The following TMEM144 variants were observed in gnomAD, a reference collection of about 807,000 sequenced individuals.
The protein encoded by TMEM144 is transmembrane protein 144.
TMEM144 carries 39 observed loss-of-function variants against 43.6 expected under a neutral mutation model. The observed-to-expected ratio is 0.90, with a 90% confidence interval of 0.69 to 1.17. TMEM144 has a LOEUF of 1.17. TMEM144 is among the 50% of genes most tolerant of loss of function. The probability of loss-of-function intolerance (pLI) is 0.00; values close to 1 mark genes in which losing one functional copy is unlikely to be tolerated. For missense variants in TMEM144, 417 were observed against 411.9 expected, an observed-to-expected ratio of 1.01 and a Z score of -0.11; for synonymous variants, 154 against 133.6, an observed-to-expected ratio of 1.15 and a Z score of -1.06.
intron 6 of TMEM144, among the ~76,000 whole-genome samples, chr4:158,230,330 G>C (rs1324532860): frequency 2.6e-5 from 4 of 152,154 alleles, no homozygotes; most frequent in Non-Finnish European, 4.4e-5. Flanking sequence ...TCTGATGAGA[G>C]AATCTGGATA....
At chr4:158,253,259 C>T (rs542154951) in intron 12 of TMEM144, among the ~76,000 whole-genome samples, 185 bp from the exon 13 acceptor site, 4 of 152,294 alleles carry the variant, frequency 2.6e-5, no homozygotes, top group South Asian at 2.1e-4. Flanking sequence ...CATTTATTTA[C>T]GGAATGGGTG....
intron 2 of TMEM144, chr4:158,211,847 CAT>C (rs1474403151): frequency 6.6e-6 from 1 of 152,136 alleles, no homozygotes; most frequent in African/African-American, 2.4e-5. Context: ...TGGTAAATAA[CAT>C]ATTTTGTAGG....
chr4:158,233,081 C>G, intron 7 of TMEM144, 99 bp downstream of exon 7: 2 of 853,430 alleles, frequency 2.3e-6, no homozygotes, highest in Non-Finnish European at 3.7e-6. Flanking sequence ...GGTGTTTGCT[C>G]ATCACTCCTG....
chr4:158,226,891 C>CTTTTCT (rs950269562), intron 6 of TMEM144, among the ~76,000 whole-genome samples: 1 of 151,188 alleles, frequency 6.6e-6, no homozygotes, highest in Admixed American at 6.6e-5. Context: ...CCCTTTTTTT[C>CTTTTCT]TTTTCTTTTT....
At chr4:158,238,554 A>T (rs993639959) in intron 9 of TMEM144, among the ~76,000 whole-genome samples, 1 of 152,232 alleles carries the variant, frequency 6.6e-6, no homozygotes, top group African/African-American at 2.4e-5. Flanking sequence ...GAAATTAATA[A>T]AAATAGAATA....
At chr4:158,224,260 G>C (rs1734642462) in intron 6 of TMEM144, among the ~76,000 whole-genome samples, 1 of 152,006 alleles carries the variant, frequency 6.6e-6, no homozygotes, top group Non-Finnish European at 1.5e-5. Flanking sequence ...GGAGTTGTTT[G>C]TTTTCCTCTT....
Position 158,244,161 on chromosome 4 carries a change from G to A in TMEM144, c.901-135G>A, listed in dbSNP as rs572803995. The A allele has an allele frequency of 4.5e-5, 20 of 449,282 alleles. No homozygotes were observed. The South Asian group carries it at 1.3e-3, about 29-fold the overall frequency. The allele number at this position is 449,282 out of a possible 1,614,324, so 27.8% of individuals were successfully genotyped here. Reference sequence around the variant, plus strand: ...TTAATATCACCTAAAGTTTAGCTTAGTGTGGAGTTAGGGTTGATATTATGG... The same window carrying A: ...TTAATATCACCTAAAGTTTAGCTTAATGTGGAGTTAGGGTTGATATTATGG... On this transcript the variant is annotated intron_variant, in intron 11 of 12. Transcript: ENST00000296529.
At chr4:158,213,454 A>C (rs1460444791) in intron 3 of TMEM144, 1 of 152,280 alleles carries the variant, frequency 6.6e-6, no homozygotes, top group African/African-American at 2.4e-5. Context: ...TTAACCAGTT[A>C]ACCAGTTAAA....
At chr4:158,217,046 G>A (rs1393882979) in intron 4 of TMEM144, among the ~76,000 whole-genome samples, 1 of 152,134 alleles carries the variant, frequency 6.6e-6, no homozygotes, top group Non-Finnish European at 1.5e-5. Context: ...TCACAGAATA[G>A]AGAGCTATGC....
Position 158,253,441 on chromosome 4 carries a change from C to T in TMEM144, c.955-3C>T, listed in dbSNP as rs1321785431. On this transcript the variant is annotated splice_polypyrimidine_tract_variant and splice_region_variant and intron_variant, in intron 12 of 12. Coordinates refer to ENST00000296529, the MANE Select transcript of TMEM144 (RefSeq NM_018342.5). ...ATCACTGTTATTCTTTTTTCTTATT[C>T]AGGGTCTACAAAACTACCTATTAAT... 1.6e-5 allele frequency: 26 copies of T among 1,608,404 alleles called. No individual in the cohort carries two copies. Among genetic ancestry groups the T allele is most frequent in the Non-Finnish European group, 2.2e-5 (26 of 1,176,634 alleles).
chr4:158,244,217 T>G (rs948163233), intron 11 of TMEM144, 79 bp from the exon 12 acceptor site: 1 of 1,071,690 alleles, frequency 9.3e-7, no homozygotes, highest in Admixed American at 2.3e-5. Flanking sequence ...GTTTATACTG[T>G]CTCTAACTTA....
At chr4:158,239,862 T>C (rs1177163167) in intron 9 of TMEM144, among the ~76,000 whole-genome samples, 2 of 151,776 alleles carry the variant, frequency 1.3e-5, no homozygotes, top group South Asian at 2.1e-4. Context: ...TGTAGAAAAC[T>C]AGGATGATTA....
In TMEM144 at chr4:158,254,243, C is replaced by T. The variant is rs1386916662; in HGVS notation, c.*716C>T. 6.6e-6 allele frequency: 1 copy of T among 152,066 alleles called. No homozygotes were observed. Among genetic ancestry groups the T allele is most frequent in the East Asian group, 1.9e-4 (1 of 5,186 alleles). The allele number at this position is 152,066 out of a possible 1,614,324, so 9.4% of individuals were successfully genotyped here. A position where few individuals can be genotyped will look rare whatever the true frequency, so the allele number is the denominator to read the frequency against. ...ACAAGTATATTCACGTACATAAATA[C>T]ACACAGATATGTTGCTAAAGTGAGA... On this transcript the variant is annotated 3_prime_UTR_variant, in exon 13 of 13. Transcript: ENST00000296529.
chr4:158,218,726 CT>C (rs1734359734), intron 5 of TMEM144, among the ~76,000 whole-genome samples: 1 of 152,116 alleles, frequency 6.6e-6, no homozygotes, highest in South Asian at 2.1e-4. Flanking sequence ...CTTTTTCCTA[CT>C]TCTTTTTTAG....
chr4:158,219,243 T>A, intron 5 of TMEM144, 67 bp from the exon 6 acceptor site: 1 of 1,518,616 alleles, frequency 6.6e-7, no homozygotes. Context: ...CCCTAGTCCA[T>A]GCCCTTAAAC....
chr4:158,230,815 C>T (rs1371851094), intron 6 of TMEM144, among the ~76,000 whole-genome samples: 2 of 152,028 alleles, frequency 1.3e-5, no homozygotes, highest in Non-Finnish European at 2.9e-5. Flanking sequence ...TCATAAGGGT[C>T]ATGGCTGACA....
intron 6 of TMEM144, among the ~76,000 whole-genome samples, chr4:158,230,549 C>T (rs1735025309): frequency 6.6e-6 from 1 of 151,738 alleles, no homozygotes; most frequent in African/African-American, 2.4e-5. Flanking sequence ...ATTTTGAGAA[C>T]AAAATGCCAA....
At chr4:158,245,284 T>A (rs1365133115) in intron 12 of TMEM144, among the ~76,000 whole-genome samples, 4 of 148,808 alleles carry the variant, frequency 2.7e-5, no homozygotes, top group Non-Finnish European at 5.9e-5. Flanking sequence ...TCTTTAAAAA[T>A]CACTTTGCCG....
At chr4:158,250,093 A>G (rs1736118962) in intron 12 of TMEM144, among the ~76,000 whole-genome samples, 1 of 151,762 alleles carries the variant, frequency 6.6e-6, no homozygotes. Flanking sequence ...CATCAAACAG[A>G]GGCAAATTTA....
Sources: allele counts gnomAD v4.1 joint callset (sites outside exome capture counted in the v4.1 genomes callset), GRCh38; gene constraint gnomAD v4.1.1; transcripts MANE v1.5; gene names NCBI Gene and HGNC (gene_info 2026-07-23, HGNC 2026-07-21).